TP53I13: variants seen among roughly 807,000 people sequenced by gnomAD.
TP53I13 encodes tumor protein p53 inducible protein 13, also known as tumor protein p53-inducible protein 13.
Under a neutral mutation model 39.1 loss-of-function variants are expected in TP53I13, and 27 were observed. The ratio of observed to expected loss-of-function variants is 0.69; its 90% CI spans 0.51 to 0.95. The LOEUF (loss-of-function observed/expected upper bound fraction) is 0.95, where lower values mean the gene tolerates loss of function less well. Among genes scored for constraint, TP53I13 ranks in the 40% least tolerant of loss-of-function variants. The pLI is 0.00. For synonymous variants in TP53I13, 230 were observed against 224.6 expected (o/e 1.02, Z -0.22); for missense variants, 544 against 520.4 (o/e 1.05, Z -0.44).
rs529422340 is a variant in TP53I13, at chr17:29,568,786, C to T, written c.28C>T (p.Leu10=). The T allele has an allele frequency of 6.9e-6, 11 of 1,597,800 alleles. No individual in the cohort carries two copies. In the African/African-American group the frequency reaches 1.3e-4, roughly 19 times the overall value. Residue 10 remains leucine, a synonymous_variant, in exon 1 of 7, where the codon CTG becomes TTG. Transcript: ENST00000301057. The surrounding 1 kb of genome is among the most constrained non-coding windows in gnomAD (Gnocchi z 4.5). MAPPPPSPQ[L]LLLAALARLL... ...GGCGCCTCCTCCGCCTTCGCCCCAA[C>T]TGCTTCTCCTGGCAGCCCTCGCGAG...
chr17:29,571,517 C>T (rs2032919269), intron 3 of TP53I13, 74 bp from the exon 4 acceptor site: 2 of 1,593,958 alleles, frequency 1.3e-6, no homozygotes, highest in East Asian at 2.2e-5. Flanking sequence ...TAAACTGGTC[C>T]CCTGGATGGG....
chr17:29,581,895 C>T, the TP53I13 span: 2 of 1,607,842 alleles, frequency 1.2e-6, no homozygotes, highest in Non-Finnish European at 8.5e-7. This position sits in a 1 kb window ranked among gnomAD's most constrained non-coding sequence, Gnocchi z 4.8. Context: ...CACCCCCACC[C>T]ACCCACACTG....
Position 29,572,348 on chromosome 17 carries a change from T to G in TP53I13, c.720T>G (p.Pro240=), listed in dbSNP as rs773291760. Residue 240 remains proline, a synonymous_variant, in exon 6 of 7, where the codon CCT becomes CCG. Coordinates refer to ENST00000301057, the MANE Select transcript of TP53I13 (RefSeq NM_138349.4). Reference sequence around the variant, plus strand: ...CCAAGCAGTCCATGGCGGGAATCCCTGGTAGGGAGAGTAATGCCCCATCTG... The same window carrying G: ...CCAAGCAGTCCATGGCGGGAATCCCGGGTAGGGAGAGTAATGCCCCATCTG... The part of the protein sequence containing the change: ...LKAKQSMAGI[P]GRESNAPSVP... 1 of 1,610,154 alleles carries G rather than the reference T, an allele frequency of 6.2e-7. No individual in the cohort carries two copies. Among genetic ancestry groups the G allele is most frequent in the East Asian group, 2.2e-5 (1 of 44,782 alleles).
the TP53I13 span, chr17:29,582,020 G>C: frequency 1.9e-6 from 3 of 1,612,420 alleles, no homozygotes; most frequent in Non-Finnish European, 2.5e-6. Flanking sequence ...TGTCTGTCCT[G>C]CCTTGGCAGC....
chr17:29,574,494 T>A, downstream of TP53I13: 1 of 632,892 alleles, frequency 1.6e-6, no homozygotes, highest in Admixed American at 2.6e-5. Flanking sequence ...GCATGGAATG[T>A]GGGGGACAGA....
downstream of TP53I13, chr17:29,577,578 C>A: frequency 4.8e-6 from 5 of 1,047,874 alleles, no homozygotes. Context: ...CCCCAGCCCA[C>A]TGCCGGATGA....
Position 29,571,693 on chromosome 17 carries a change from C to G in TP53I13, c.286C>G (p.Pro96Ala), listed in dbSNP as rs549331052. Residue 96 changes from proline to alanine, a missense_variant, in exon 4 of 7, where the codon CCT becomes GCT. By Grantham distance (27) the Pro-to-Ala change is conservative. Coordinates refer to ENST00000301057, the MANE Select transcript of TP53I13 (RefSeq NM_138349.4). ...TTGTATGGCTAACCCTTCCCTCACC[C>G]CTGACTTCAGCCTCACGCAGGATCG... The part of the protein sequence containing the change: ...YACMANPSLT[P>A]DFSLTQDRPL... 1.9e-6 allele frequency: 3 copies of G among 1,614,146 alleles called. No individual in the cohort carries two copies. The highest frequency in any genetic ancestry group is 1.1e-5 in the South Asian group (1 of 91,088).
chr17:29,567,001 G>A, upstream of TP53I13: 1 of 1,275,860 alleles, frequency 7.8e-7, no homozygotes, highest in Non-Finnish European at 9.8e-7. The surrounding 1 kb of genome is among the most constrained non-coding windows in gnomAD (Gnocchi z 6.6). Flanking sequence ...GCAGCGGGCG[G>A]CGGGGCCGTC....
chr17:29,578,410 C>T, the TP53I13 span: 7 of 1,587,738 alleles, frequency 4.4e-6, no homozygotes, highest in African/African-American at 2.7e-5. Flanking sequence ...TCAGATGCAT[C>T]GGCTCCCAGT....
At chr17:29,572,758 C>A (rs2033005274) in intron 6 of TP53I13, 54 bp from the exon 7 acceptor site, 2 of 1,506,920 alleles carry the variant, frequency 1.3e-6, no homozygotes, top group South Asian at 1.3e-5. Flanking sequence ...CGCCCGCCGC[C>A]CCCCGTAGCT....
At chr17:29,580,766 G>GTTTCTT in the TP53I13 span, among the ~76,000 whole-genome samples, 2 of 151,040 alleles carry the variant, frequency 1.3e-5, no homozygotes, top group African/African-American at 4.9e-5. Context: ...GGTAGCTTCT[G>GTTTCTT]TTTCTTTTTC....
At chr17:29,574,857 G>T, downstream of TP53I13, 3 of 1,596,016 alleles carry the variant, frequency 1.9e-6, no homozygotes, top group Non-Finnish European at 1.7e-6. Context: ...CTCTGCAGCC[G>T]GTAGGCGCTG....
In TP53I13 at chr17:29,568,915, C is replaced by G; in HGVS notation, c.72+85C>G. 4.4e-6 allele frequency: 7 copies of G among 1,596,278 alleles called. No individual in the cohort carries two copies. In the South Asian group the frequency reaches 6.6e-5, roughly 15 times the overall value. On this transcript the variant is annotated intron_variant, in intron 1 of 6. Transcript: ENST00000301057. The surrounding 1 kb of genome is among the most constrained non-coding windows in gnomAD (Gnocchi z 4.5). Reference sequence around the variant, plus strand: ...GTTCGTCCTGGAAGGAGTGGCGCGCCGAGGGGGACGCGGAGTTCTTCCGCT... The same window carrying G: ...GTTCGTCCTGGAAGGAGTGGCGCGCGGAGGGGGACGCGGAGTTCTTCCGCT...
At chr17:29,579,012 AG>A in the TP53I13 span, 1 of 1,612,930 alleles carries the variant, frequency 6.2e-7, no homozygotes. Context: ...AAGGCAGCAG[AG>A]GGAAGAACAG....
downstream of TP53I13, chr17:29,576,729 G>T: frequency 1.9e-6 from 3 of 1,603,428 alleles, no homozygotes; most frequent in Non-Finnish European, 2.6e-6. Flanking sequence ...GCCAACACCC[G>T]CAGGGGGCAG....
At chr17:29,575,693 G>T (rs754857303), downstream of TP53I13, 1 of 1,612,372 alleles carries the variant, frequency 6.2e-7, no homozygotes, top group Non-Finnish European at 8.5e-7. The surrounding 1 kb of genome is among the most constrained non-coding windows in gnomAD (Gnocchi z 5.5). Flanking sequence ...GCCGTGGCGG[G>T]AAAGCTTGCT....
chr17:29,567,411 GGTGA>G (rs1214775499), upstream of TP53I13: 1 of 151,962 alleles, frequency 6.6e-6, no homozygotes, highest in Non-Finnish European at 1.5e-5. This position sits in a 1 kb window ranked among gnomAD's most constrained non-coding sequence, Gnocchi z 6.6. Context: ...AGAAGGGAGA[GGTGA>G]GTAAGTCGCA....
intron 3 of TP53I13, 140 bp from the exon 4 acceptor site, chr17:29,571,451 G>A (rs2032917557): frequency 1.7e-6 from 2 of 1,187,512 alleles, no homozygotes; most frequent in East Asian, 2.5e-5. Context: ...AGGGCCCTTT[G>A]TCCTTTCCTG....
At chr17:29,567,568 C>G (rs1043185251), upstream of TP53I13, 2 of 152,110 alleles carry the variant, frequency 1.3e-5, no homozygotes, top group Non-Finnish European at 2.9e-5. The surrounding 1 kb of genome is among the most constrained non-coding windows in gnomAD (Gnocchi z 6.6). Flanking sequence ...CTAGAGAGGT[C>G]GAGCGCGGCG....
Sources: allele counts gnomAD v4.1 joint callset (sites outside exome capture counted in the v4.1 genomes callset), GRCh38; gene constraint gnomAD v4.1.1; non-coding constraint Gnocchi (gnomAD v3.1); transcripts MANE v1.5; gene names NCBI Gene and HGNC (gene_info 2026-07-23, HGNC 2026-07-21).